Variants in ATP7B observed in about 807,000 individuals in gnomAD.
The protein encoded by ATP7B is copper-transporting ATPase 2.
In ATP7B, 113 loss-of-function variants were observed where a neutral mutation model predicts 118.9. That is an observed-to-expected ratio of 0.95 (90% CI 0.82 to 1.11). ATP7B has a LOEUF of 1.11. Ranked by LOEUF, ATP7B falls within the 50% of genes most tolerant of loss-of-function variation. The pLI is 0.00. For missense variants in ATP7B, 1,867 were observed against 1,871.4 expected, an observed-to-expected ratio of 1.00 and a Z score of 0.04; for synonymous variants, 777 against 727.4, an observed-to-expected ratio of 1.07 and a Z score of -1.10.
Position 51,946,271 on chromosome 13 carries a change from G to A in ATP7B, c.3060+13C>T. On this transcript the variant is annotated intron_variant, in intron 13 of 20. Coordinates refer to ENST00000242839, the MANE Select transcript of ATP7B (RefSeq NM_000053.4). ...CATCTCTCAGGATGGGGAAAGCCGT[G>A]CTACAGGCTGACCTTGTGCGCCATC... The A allele has an allele frequency of 6.4e-7, 1 of 1,567,882 alleles. No individual in the cohort carries two copies. The highest frequency in any genetic ancestry group is 8.6e-7 in the Non-Finnish European group (1 of 1,156,212).
rs558470873 is a variant in ATP7B at position 51,957,304 on chromosome 13, G to A, written c.2447+212C>T. On this transcript the variant is annotated intron_variant, in intron 9 of 20. Coordinates refer to ENST00000242839, the MANE Select transcript of ATP7B (RefSeq NM_000053.4). ...AATACTAATCATCTACACCTCCCAT[G>A]TGCCATTTCGCACACACACACCACC... is the stretch of plus-strand genomic sequence containing the variant. Among the ~76,000 whole-genome samples, 7 of 152,076 alleles carry A rather than the reference G, an allele frequency of 4.6e-5. No individual in the cohort carries two copies. In the South Asian group the frequency reaches 6.2e-4, roughly 14 times the overall value.
chr13:51,982,985 G>A (rs1028927455), intron 1 of ATP7B, among the ~76,000 whole-genome samples: 5 of 152,186 alleles, frequency 3.3e-5, no homozygotes, highest in Non-Finnish European at 5.9e-5. Context: ...AAACTGGACA[G>A]CCGTTTGGGC....
intron 8 of ATP7B, 185 bp from the exon 9 acceptor site, chr13:51,957,792 C>G: frequency 1.6e-6 from 1 of 625,252 alleles, no homozygotes; most frequent in Non-Finnish European, 2.9e-6. Context: ...GTCACTTCCA[C>G]AGTGATGCAC....
chr13:51,946,142 A>G (rs1478376183), intron 13 of ATP7B, 142 bp downstream of exon 13: 1 of 1,150,164 alleles, frequency 8.7e-7, no homozygotes, highest in East Asian at 2.6e-5. Flanking sequence ...TACTGTTGTT[A>G]TTCCCAGTTA....
At chr13:51,952,334 T>G (rs760246507) in intron 9 of ATP7B, among the ~76,000 whole-genome samples, 5 of 152,214 alleles carry the variant, frequency 3.3e-5, no homozygotes, top group Non-Finnish European at 7.3e-5. Context: ...CATGAGCTAA[T>G]GGTCAACAAG....
chr13:52,007,495 C>CT (rs1263650875), intron 1 of ATP7B, among the ~76,000 whole-genome samples: 1 of 152,250 alleles, frequency 6.6e-6, no homozygotes, highest in Non-Finnish European at 1.5e-5. Context: ...TCCCCAAACT[C>CT]TAACATCATG....
In ATP7B at chr13:51,941,221, G is replaced by C. The variant is rs199924281; in HGVS notation, c.3416C>G (p.Ala1139Gly). 180 of 1,614,126 alleles carry C rather than the reference G, an allele frequency of 1.1e-4. 1 individual carries two copies. Among genetic ancestry groups the C allele is most frequent in the Non-Finnish European group, 1.5e-4 (176 of 1,179,998 alleles). ...EAGSLPAEKD[A>G]VPQTFSVLIG... is the part of the protein sequence containing the mutation. ...CAGCACAGAGAAGGTCTGGGGGACT[G>C]CATCTATTCAAAAGAGGCTGTGGTT... The change falls in exon 16 of 21, where the codon GCA (alanine) becomes GGA (glycine). Residue 1139 changes from alanine (A) to glycine (G), a missense_variant. Transcript: ENST00000242839.
intron 2 of ATP7B, among the ~76,000 whole-genome samples, chr13:51,971,911 C>T (rs1363773526): frequency 1.3e-5 from 2 of 152,256 alleles, no homozygotes; most frequent in Non-Finnish European, 2.9e-5. Flanking sequence ...TGGGCTTGCC[C>T]ACGCCACTGA....
At chr13:51,960,373 G>A in intron 6 of ATP7B, 51 bp from the exon 7 acceptor site, 1 of 1,583,976 alleles carries the variant, frequency 6.3e-7, no homozygotes, top group Non-Finnish European at 8.6e-7. Context: ...CTTGTCACCT[G>A]GATTACAAGC....
chr13:51,936,818 T>C (rs946799519), intron 19 of ATP7B, among the ~76,000 whole-genome samples: 1 of 152,194 alleles, frequency 6.6e-6, no homozygotes, highest in South Asian at 2.1e-4. Context: ...TGAGCCACCA[T>C]GCCTGGTCAA....
chr13:52,004,377 T>C (rs1346567652), intron 1 of ATP7B, among the ~76,000 whole-genome samples: 2 of 152,230 alleles, frequency 1.3e-5, no homozygotes, highest in East Asian at 3.8e-4. Context: ...ATCAGGAAGA[T>C]GGAGTTGCAT....
chr13:52,004,720 C>T (rs530697274), intron 1 of ATP7B, among the ~76,000 whole-genome samples: 9 of 152,316 alleles, frequency 5.9e-5, no homozygotes, highest in Middle Eastern at 6.8e-3. Context: ...TTCCCTCATT[C>T]CCCCTAGATG....
At chr13:51,949,566 T>C (rs369540704) in intron 12 of ATP7B, 96 bp downstream of exon 12, 5 of 1,538,482 alleles carry the variant, frequency 3.2e-6, no homozygotes, top group South Asian at 2.3e-5. Context: ...TAATGAATAA[T>C]TAAAGCCCAG....
At position 51,942,475 on chromosome 13, in the gene ATP7B, TTGC is replaced by T. The variant is rs760772190; in HGVS notation, c.3320_3322del (p.Ser1107del). ...ACTGTGGGCCAGGATGCCTTCCACG[TTGC>T]TGACTTTGCACCCAATTCCACAGCC... is the stretch of plus-strand genomic sequence containing the variant. On this transcript the variant is annotated inframe_deletion, in exon 15 of 21. Coordinates refer to ENST00000242839, the MANE Select transcript of ATP7B (RefSeq NM_000053.4). 4.7e-5 allele frequency: 76 copies of T among 1,614,108 alleles called. No individual in the cohort carries two copies. Among genetic ancestry groups the T allele is most frequent in the Non-Finnish European group, 6.4e-5 (75 of 1,180,044 alleles).
At chr13:51,958,621 G>GTGTC in intron 7 of ATP7B, 77 bp from the exon 8 acceptor site, 2 of 1,311,556 alleles carry the variant, frequency 1.5e-6, no homozygotes, top group Non-Finnish European at 2.2e-6. Flanking sequence ...CAAGGGCCCT[G>GTGTC]GGGATGGCAA....
Position 51,937,285 on chromosome 13 carries a change from T to C in ATP7B, c.4012A>G (p.Ile1338Val), listed in dbSNP as rs774860289. Residue 1338 changes from isoleucine (I) to valine (V), a missense_variant, in exon 19 of 21, where the codon ATT becomes GTT. By Grantham distance (29) the Ile-to-Val change is conservative. Transcript: ENST00000242839. Reference sequence around the variant, plus strand: ...GGTAAGAGCTGCCTACCTGCTGCAATGGGTATCCCAACCAGGTTATAAATC... The same window carrying C: ...GGTAAGAGCTGCCTACCTGCTGCAACGGGTATCCCAACCAGGTTATAAATC... The part of the protein sequence containing the change: ...ALIYNLVGIP[I>V]AAGVFMPIGI... 30 of 1,613,912 alleles carry C rather than the reference T, an allele frequency of 1.9e-5. No individual in the cohort carries two copies. Among genetic ancestry groups the C allele is most frequent in the South Asian group, 1.5e-4 (14 of 91,086 alleles).
chr13:51,982,886 C>A (rs931518413), intron 1 of ATP7B, among the ~76,000 whole-genome samples: 1 of 152,216 alleles, frequency 6.6e-6, no homozygotes, highest in Non-Finnish European at 1.5e-5. Flanking sequence ...CTGGTCCAGG[C>A]ACTACACTTT....
At chr13:51,983,614 C>T (rs1394561433) in intron 1 of ATP7B, among the ~76,000 whole-genome samples, 1 of 151,634 alleles carries the variant, frequency 6.6e-6, no homozygotes, top group Non-Finnish European at 1.5e-5. Flanking sequence ...TGTCTCCTGA[C>T]CAGGAGACAC....
rs560258162 is a variant in ATP7B at position 52,011,372 on chromosome 13, G to A, written c.-35C>T. 23 of 1,613,856 alleles carry A rather than the reference G, an allele frequency of 1.4e-5. No homozygotes were observed. In the East Asian group the frequency reaches 4.5e-4, roughly 31 times the overall value. On this transcript the variant is annotated 5_prime_UTR_variant, in exon 1 of 21. Transcript: ENST00000242839. The stretch of plus-strand genomic sequence containing the variant: ...CGGACACCGAATTCTTCTCTGATCT[G>A]GCTCAGAGCAAAAGGTCACCTGGTC...
Sources: gnomAD v4.1 joint callset for allele counts (sites outside exome capture counted in the v4.1 genomes callset) on GRCh38, gnomAD v4.1.1 for gene constraint, MANE v1.5 for transcripts, NCBI Gene and HGNC (gene_info 2026-07-23, HGNC 2026-07-21) for gene names.